Variants in CCDC14 observed in about 807,000 individuals in gnomAD.
CCDC14 encodes coiled-coil domain-containing protein 14.
CCDC14 carries 71 observed loss-of-function variants against 81.4 expected under a neutral mutation model. That is an observed-to-expected ratio of 0.87 (90% CI 0.72 to 1.06). The LOEUF (loss-of-function observed/expected upper bound fraction) is 1.06, where lower values mean the gene tolerates loss of function less well. Among genes scored for constraint, CCDC14 ranks in the 50% least tolerant of loss-of-function variants. CCDC14 has a pLI of 0.00. For missense variants in CCDC14, 1,046 were observed against 1,047.3 expected (o/e 1.00, Z 0.02); for synonymous variants, 332 against 364.8 (o/e 0.91, Z 1.03).
chr3:123,897,593 A>T lies in CCDC14; in HGVS notation c.689T>A (p.Leu230Ter). ...TTGTGTAAGACTTTGCAGAACATTT[A>T]AGTCCACAGTTTTAAAAAGTCTGAA... Residue 230 changes from leucine to a stop codon, truncating the protein, a stop_gained, in exon 6 of 6, where the codon TTA (leucine) becomes TAA (stop). Coordinates refer to the CCDC14 transcript ENST00000479903. LOFTEE classifies it low-confidence loss of function (END_TRUNC). 1 of 1,205,094 alleles carries T rather than the reference A, an allele frequency of 8.3e-7. No homozygotes were observed. Among genetic ancestry groups the T allele is most frequent in the East Asian group, 6.0e-5 (1 of 16,702 alleles). The allele number at this position is 1,205,094 out of a possible 1,614,324, so 74.7% of individuals were successfully genotyped here.
intron 9 of CCDC14, among the ~76,000 whole-genome samples, chr3:123,937,531 T>C (rs995359045): frequency 1.3e-5 from 2 of 152,028 alleles, no homozygotes; most frequent in African/African-American, 2.4e-5. Flanking sequence ...TAAAAATTTA[T>C]ACTGTCTTAA....
the CCDC14 span, among the ~76,000 whole-genome samples, chr3:123,886,552 C>G: frequency 2.0e-5 from 3 of 152,042 alleles, no homozygotes; most frequent in Non-Finnish European, 4.4e-5. Flanking sequence ...CACGTGCCAC[C>G]ACACCCAGCT....
At chr3:123,926,888 A>C (rs994360216) in intron 12 of CCDC14, among the ~76,000 whole-genome samples, 34 of 152,322 alleles carry the variant, frequency 2.2e-4, no homozygotes, top group African/African-American at 7.9e-4. Context: ...GACTATGGGA[A>C]GAGTGAAGGA....
At chr3:123,955,718 T>C (rs780068542) in intron 5 of CCDC14, 125 bp downstream of exon 5, 2 of 804,438 alleles carry the variant, frequency 2.5e-6, no homozygotes, top group Non-Finnish European at 3.6e-6. Context: ...CAGAAAGGCA[T>C]AAGCACACAT....
rs1258769124 is a variant in CCDC14 at position 123,944,830 on chromosome 3, T to C, written c.1343+19A>G. 1.3e-6 allele frequency: 2 copies of C among 1,592,598 alleles called. No homozygotes were observed. Among genetic ancestry groups the C allele is most frequent in the Non-Finnish European group, 1.7e-6 (2 of 1,164,988 alleles). ...ACATCTTTGCATACAGACAAAAATA[T>C]TCAAAGAGCAATTCTTACCTTCGTA... On this transcript the variant is annotated intron_variant, in intron 9 of 12. Coordinates refer to ENST00000409697, the MANE Select transcript of CCDC14 (RefSeq NM_001366335.1).
At chr3:123,913,328 T>C (rs1479339549), downstream of CCDC14, 3 of 965,836 alleles carry the variant, frequency 3.1e-6, no homozygotes, top group South Asian at 4.8e-5. Flanking sequence ...GGCTGTTCCA[T>C]GTTAAGGGCC....
intron 9 of CCDC14, among the ~76,000 whole-genome samples, chr3:123,936,298 A>C (rs2148878677): frequency 6.6e-6 from 1 of 152,306 alleles, no homozygotes; most frequent in East Asian, 1.9e-4. Flanking sequence ...GATATGTACG[A>C]AATTTAAATA....
intron 12 of CCDC14, among the ~76,000 whole-genome samples, chr3:123,916,274 CA>C (rs757614067): frequency 6.6e-6 from 1 of 152,082 alleles, no homozygotes; most frequent in South Asian, 2.1e-4. Context: ...TCTGGGATTA[CA>C]GGTATAAGCC....
At chr3:123,948,264 T>A (rs1283413447) in intron 7 of CCDC14, among the ~76,000 whole-genome samples, 1 of 148,600 alleles carries the variant, frequency 6.7e-6, no homozygotes. Context: ...TGAGATAGAG[T>A]CTCACTCTGT....
At position 123,960,095 on chromosome 3, in the gene CCDC14, G is replaced by A. The variant is rs527759908; in HGVS notation, c.30+1049C>T. ...AAACTGCAAAGCTGCTCTCCAAAAG[G>A]AGTGTCCTAATCACAATACAGGAGA... is the stretch of plus-strand genomic sequence containing the variant. On this transcript the variant is annotated intron_variant, in intron 1 of 12. Coordinates refer to ENST00000409697, the MANE Select transcript of CCDC14 (RefSeq NM_001366335.1). Among the ~76,000 whole-genome samples, 6 of 152,276 alleles carry A rather than the reference G, an allele frequency of 3.9e-5. No homozygotes were observed. The East Asian group carries it at 9.6e-4, about 24-fold the overall frequency.
rs2034509871 is a variant in CCDC14, at chr3:123,913,749, A to C, written c.*1030T>G. The C allele has an allele frequency of 1.0e-6, 1 of 985,058 alleles. No individual in the cohort carries two copies. Among genetic ancestry groups the C allele is most frequent in the African/African-American group, 1.7e-5 (1 of 57,198 alleles). 61.0% of individuals were successfully genotyped at this position (985,058 alleles called of 1,614,324 possible). On this transcript the variant is annotated 3_prime_UTR_variant, in exon 13 of 13. Coordinates refer to ENST00000409697, the MANE Select transcript of CCDC14 (RefSeq NM_001366335.1). ...ATTAGGAGAACACTCTTTAATGATA[A>C]AGCCTGTCCAAGTACTAAGGACAAT...
In CCDC14 at chr3:123,949,012, A is replaced by T; in HGVS notation, c.473T>A (p.Ile158Lys). ...QDHYRMYSPI[I>K]YQALCEHVQT... is the part of the protein sequence containing the mutation. ...CACGTGCTCACAGAGGGCTTGGTAT[A>T]TTATGGGTGAATACATTCTATAATG... Residue 158 changes from isoleucine to lysine, a missense_variant, in exon 6 of 13, where the codon ATA becomes AAA. Coordinates refer to ENST00000409697, the MANE Select transcript of CCDC14 (RefSeq NM_001366335.1). 2 of 1,613,918 alleles carry T rather than the reference A, an allele frequency of 1.2e-6. No individual in the cohort carries two copies.
At chr3:123,922,533 A>G (rs1198504746) in intron 12 of CCDC14, among the ~76,000 whole-genome samples, 2 of 152,168 alleles carry the variant, frequency 1.3e-5, no homozygotes, top group Non-Finnish European at 1.5e-5. Flanking sequence ...AGATATTACA[A>G]CTGATAACAC....
Position 123,913,775 on chromosome 3 carries a change from T to TA in CCDC14, c.*1003dup. 25 of 984,836 alleles carry TA rather than the reference T, an allele frequency of 2.5e-5. No individual in the cohort carries two copies. The highest frequency in any genetic ancestry group is 3.0e-5 in the Non-Finnish European group (25 of 829,832). The allele number at this position is 984,836 out of a possible 1,614,324, so 61.0% of individuals were successfully genotyped here. The stretch of plus-strand genomic sequence containing the variant: ...AGCCTGTCCAAGTACTAAGGACAAT[T>TA]AGAGTAGGCAGGTGACCTGTACAAA... On this transcript the variant is annotated 3_prime_UTR_variant, in exon 13 of 13. Coordinates refer to ENST00000409697, the MANE Select transcript of CCDC14 (RefSeq NM_001366335.1).
chr3:123,936,423 C>T (rs2148879110), intron 9 of CCDC14, among the ~76,000 whole-genome samples: 1 of 151,700 alleles, frequency 6.6e-6, no homozygotes, highest in East Asian at 1.9e-4. Context: ...CTATAAACTA[C>T]ATAAATTTAA....
chr3:123,945,888 G>A (rs2036599226), intron 8 of CCDC14, among the ~76,000 whole-genome samples: 1 of 152,002 alleles, frequency 6.6e-6, no homozygotes, highest in South Asian at 2.1e-4. Context: ...CAGTAAAATG[G>A]GAGTGGTAAC....
chr3:123,931,334 T>C lies in CCDC14; in HGVS notation c.1619A>G (p.Asp540Gly). Residue 540 changes from aspartate to glycine, a missense_variant, in exon 11 of 13, where the codon GAT (aspartate) becomes GGT (glycine). Transcript: ENST00000409697. ...AATTTTTATTCTTGTTATCTCAATA[T>C]CATATTGCTGTTTATTTTCAAGTAT... The part of the protein sequence containing the change: ...QTILENKQQY[D>G]IEITRIKIEL... The C allele has an allele frequency of 2.0e-6, 3 of 1,521,672 alleles. No individual in the cohort carries two copies. Among genetic ancestry groups the C allele is most frequent in the Non-Finnish European group, 2.7e-6 (3 of 1,119,258 alleles). The allele number at this position is 1,521,672 out of a possible 1,614,324, so 94.3% of individuals were successfully genotyped here. A position where few individuals can be genotyped will look rare whatever the true frequency, so the allele number is the denominator to read the frequency against.
In CCDC14 at chr3:123,961,162, A is replaced by G; in HGVS notation, c.12T>C (p.Ser4=). 1 of 1,551,576 alleles carries G rather than the reference A, an allele frequency of 6.4e-7. No individual in the cohort carries two copies. Among genetic ancestry groups the G allele is most frequent in the Non-Finnish European group, 8.7e-7 (1 of 1,146,966 alleles). ...CCCTCACCTGGCCCGGTCGAGCTCC[A>G]GACCTGACCATCTCTCGCCGCCTCA... MVR[S]GARPGQVLSS... Residue 4 remains serine (S), a synonymous_variant, in exon 1 of 13, where the codon TCT becomes TCC. Coordinates refer to ENST00000409697, the MANE Select transcript of CCDC14 (RefSeq NM_001366335.1).
chr3:123,915,531 TA>T lies in CCDC14; in HGVS notation c.1965del (p.Phe655LeufsTer16). ...YLNKLETNYS[F>X]THSEPLSTIK... The stretch of plus-strand genomic sequence containing the variant: ...ATTGTAGAAAGTGGCTCTGAATGTG[TA>T]AAACTGTAATTTGTTTCTAACTTAT... On this transcript the variant is annotated frameshift_variant, in exon 13 of 13. Coordinates refer to ENST00000409697, the MANE Select transcript of CCDC14 (RefSeq NM_001366335.1). LOFTEE classifies it low-confidence loss of function (END_TRUNC). 6.2e-7 allele frequency: 1 copy of T among 1,614,038 alleles called. No homozygotes were observed. Among genetic ancestry groups the T allele is most frequent in the Non-Finnish European group, 8.5e-7 (1 of 1,179,900 alleles).
Sources: gnomAD v4.1 joint callset for allele counts (sites outside exome capture counted in the v4.1 genomes callset) on GRCh38, gnomAD v4.1.1 for gene constraint, MANE v1.5 for transcripts, NCBI Gene and HGNC (gene_info 2026-07-23, HGNC 2026-07-21) for gene names.